KCNH1: variants seen among roughly 807,000 people sequenced by gnomAD.
KCNH1 encodes the protein potassium voltage-gated channel subfamily H member 1, also known as voltage-gated delayed rectifier potassium channel KCNH1.
Under a neutral mutation model 69.2 loss-of-function variants are expected in KCNH1, and 27 were observed. The observed-to-expected ratio is 0.39, with a 90% CI of 0.29 to 0.54. KCNH1 has a LOEUF of 0.54. Among genes scored for constraint, KCNH1 ranks in the 20% least tolerant of loss-of-function variants. KCNH1 has a pLI of 0.68. For synonymous variants in KCNH1, 456 were observed against 487.7 expected (o/e 0.93, Z 0.86); for missense variants, 798 against 1,261.6 (o/e 0.63, Z 5.57).
chr1:211,028,447 T>A (rs1689722904), intron 5 of KCNH1, among the ~76,000 whole-genome samples: 1 of 139,898 alleles, frequency 7.1e-6, no homozygotes. Flanking sequence ...AGGAAGGAAA[T>A]AATAATGAAC....
At chr1:211,015,752 C>T (rs1689480464) in intron 6 of KCNH1, among the ~76,000 whole-genome samples, 1 of 152,196 alleles carries the variant, frequency 6.6e-6, no homozygotes, top group African/African-American at 2.4e-5. Context: ...TCCAGAAAGG[C>T]TAAATGATAT....
chr1:211,081,760 T>C (rs377038818), intron 5 of KCNH1, among the ~76,000 whole-genome samples: 9 of 152,054 alleles, frequency 5.9e-5, no homozygotes, highest in Admixed American at 4.6e-4. Context: ...TAGTTGGGAA[T>C]TGAACAATGA....
chr1:210,691,726 G>A (rs373499218), intron 10 of KCNH1, among the ~76,000 whole-genome samples: 2 of 152,188 alleles, frequency 1.3e-5, no homozygotes, highest in African/African-American at 4.8e-5. Flanking sequence ...GATTCCCAGA[G>A]GATTTAAAGA....
chr1:210,962,071 C>A (rs1325329880), intron 6 of KCNH1, among the ~76,000 whole-genome samples: 1 of 152,124 alleles, frequency 6.6e-6, no homozygotes, highest in East Asian at 1.9e-4. Context: ...AAGGGGGACC[C>A]TTTGCAGCTC....
chr1:210,952,709 ACCTG>A (rs1574357652), intron 6 of KCNH1, among the ~76,000 whole-genome samples: 1 of 152,022 alleles, frequency 6.6e-6, no homozygotes, highest in East Asian at 1.9e-4. Context: ...AATCACATAA[ACCTG>A]CCAAGTGTTC....
intron 6 of KCNH1, among the ~76,000 whole-genome samples, chr1:210,924,718 A>G (rs1687532054): frequency 6.6e-6 from 1 of 152,188 alleles, no homozygotes; most frequent in South Asian, 2.1e-4. Context: ...TACCAGGCAC[A>G]TATCACCACC....
intron 3 of KCNH1, among the ~76,000 whole-genome samples, chr1:211,095,426 A>G (rs935025216): frequency 5.3e-5 from 8 of 152,210 alleles, no homozygotes; most frequent in Admixed American, 1.3e-4. Context: ...GTTCCAGGTC[A>G]GCCTTTTTAG....
intron 10 of KCNH1, among the ~76,000 whole-genome samples, chr1:210,773,998 C>G (rs1167573909): frequency 1.3e-5 from 2 of 152,100 alleles, no homozygotes; most frequent in African/African-American, 4.8e-5. Flanking sequence ...AGACACGGCA[C>G]TCTGAAGGGA....
chr1:210,709,737 AG>A (rs1352723602), intron 10 of KCNH1, among the ~76,000 whole-genome samples: 85 of 77,018 alleles, frequency 1.1e-3, no homozygotes, highest in African/African-American at 2.2e-3. Context: ...AGAGAGAGAG[AG>A]AGAAAGAGAG....
intron 10 of KCNH1, among the ~76,000 whole-genome samples, chr1:210,769,744 G>A (rs546202668): frequency 4.6e-5 from 7 of 152,188 alleles, no homozygotes; most frequent in South Asian, 2.1e-4. Context: ...GCAGGAGAAC[G>A]TAATTCCCTA....
At chr1:211,099,151 G>A (rs1691212113) in intron 3 of KCNH1, among the ~76,000 whole-genome samples, 1 of 152,032 alleles carries the variant, frequency 6.6e-6, no homozygotes, top group South Asian at 2.1e-4. Context: ...TTTAATAATG[G>A]GGATATTTTT....
At chr1:210,759,893 C>G (rs543246680) in intron 10 of KCNH1, among the ~76,000 whole-genome samples, 2 of 152,250 alleles carry the variant, frequency 1.3e-5, no homozygotes, top group African/African-American at 4.8e-5. Flanking sequence ...GGTACCAGTC[C>G]AAGGCCTGTT....
At chr1:210,698,459 A>C (rs1681694284) in intron 10 of KCNH1, among the ~76,000 whole-genome samples, 1 of 152,236 alleles carries the variant, frequency 6.6e-6, no homozygotes, top group South Asian at 2.1e-4. Flanking sequence ...AACCAGAAGA[A>C]GAGAAGGTAA....
At chr1:210,774,806 A>C (rs1269433791) in intron 10 of KCNH1, among the ~76,000 whole-genome samples, 1 of 152,248 alleles carries the variant, frequency 6.6e-6, no homozygotes, top group Non-Finnish European at 1.5e-5. Context: ...ATCATTTCTC[A>C]ACCAGTTTAG....
intron 6 of KCNH1, among the ~76,000 whole-genome samples, chr1:210,922,177 C>T (rs1017644241): frequency 4.0e-5 from 6 of 151,562 alleles, no homozygotes; most frequent in African/African-American, 7.3e-5. Context: ...GTAAGGAGAT[C>T]GAGACCATCC....
In KCNH1 at chr1:210,934,985, G is replaced by C. The variant is rs368865756; in HGVS notation, c.1033-14916C>G. ...CATATGATCCAGCAATCCCAATGCT[G>C]GGTTATGCCCAAAAGAAAGGGAATC... is the stretch of plus-strand genomic sequence containing the variant. On this transcript the variant is annotated intron_variant, in intron 6 of 10. Transcript: ENST00000271751. Among the ~76,000 whole-genome samples the C allele has an allele frequency of 9.9e-5, 15 of 152,028 alleles. 1 individual carries two copies. In the East Asian group the frequency reaches 2.1e-3, roughly 22 times the overall value.
chr1:211,067,453 G>T (rs1250432524), intron 5 of KCNH1, among the ~76,000 whole-genome samples: 1 of 152,144 alleles, frequency 6.6e-6, no homozygotes, highest in African/African-American at 2.4e-5. Flanking sequence ...GGCAATCTTT[G>T]CTGGTGGCCT....
intron 10 of KCNH1, among the ~76,000 whole-genome samples, chr1:210,692,249 T>C (rs575763150): frequency 2.0e-5 from 3 of 152,280 alleles, no homozygotes; most frequent in Non-Finnish European, 2.9e-5. Flanking sequence ...ATTGGACATA[T>C]CTACTTTTGA....
chr1:210,852,602 G>A (rs1246259546), intron 7 of KCNH1, among the ~76,000 whole-genome samples: 1 of 152,038 alleles, frequency 6.6e-6, no homozygotes, highest in East Asian at 1.9e-4. Context: ...AAACGCCTGT[G>A]GAATGAGAAT....
Sources: allele counts gnomAD v4.1 joint callset (sites outside exome capture counted in the v4.1 genomes callset), GRCh38; gene constraint gnomAD v4.1.1; transcripts MANE v1.5; gene names NCBI Gene and HGNC (gene_info 2026-07-23, HGNC 2026-07-21).